Variants in MC2R observed in about 807,000 individuals in gnomAD.
MC2R encodes the protein adrenocorticotropic hormone receptor.
A neutral mutation model predicts 9.8 loss-of-function variants in MC2R; 9 were observed. The observed-to-expected ratio is 0.92, with a 90% confidence interval of 0.55 to 1.60. The LOEUF is 1.60. Among genes scored for constraint, MC2R ranks in the 40% most tolerant of loss-of-function variants. The pLI, the probability that MC2R is intolerant of heterozygous loss-of-function variation, is 0.00. For synonymous variants in MC2R, 185 were observed against 154.7 expected (o/e 1.20, Z -1.45); for missense variants, 370 against 389.0 (o/e 0.95, Z 0.41).
intron 1 of MC2R, among the ~76,000 whole-genome samples, chr18:13,888,380 G>A (rs1454398045): frequency 6.6e-6 from 1 of 152,188 alleles, no homozygotes. Context: ...TTGGTTGAAG[G>A]GCCAGTGACA....
Position 13,884,451 on chromosome 18 carries a change from A to G in MC2R, c.*174T>C, listed in dbSNP as rs905731419. ...CACAAAGTTAAGAGGTTGCCCCTACAATAAGACTGTTCACATAGAACCTAG... is the reference window on the plus strand; with the variant it reads ...CACAAAGTTAAGAGGTTGCCCCTACGATAAGACTGTTCACATAGAACCTAG... On this transcript the variant is annotated 3_prime_UTR_variant, in exon 2 of 2. Transcript: ENST00000327606. 2 of 719,890 alleles carry G rather than the reference A, an allele frequency of 2.8e-6. No homozygotes were observed. Among genetic ancestry groups the G allele is most frequent in the African/African-American group, 1.7e-5 (1 of 57,774 alleles). The allele number at this position is 719,890 out of a possible 1,614,324, so 44.6% of individuals were successfully genotyped here. A position where few individuals can be genotyped will look rare whatever the true frequency, so the allele number is the denominator to read the frequency against.
At chr18:13,886,107 C>A (rs1344952487) in intron 1 of MC2R, among the ~76,000 whole-genome samples, 1 of 152,140 alleles carries the variant, frequency 6.6e-6, no homozygotes, top group African/African-American at 2.4e-5. Flanking sequence ...AGAAATTACC[C>A]TATGGGTAAC....
chr18:13,891,753 C>T (rs893006628), intron 1 of MC2R, among the ~76,000 whole-genome samples: 3 of 147,890 alleles, frequency 2.0e-5, no homozygotes, highest in Non-Finnish European at 4.5e-5. Flanking sequence ...AGCATTTTGG[C>T]CCTTCGGGTC....
intron 1 of MC2R, among the ~76,000 whole-genome samples, chr18:13,890,074 A>G (rs1161866434): frequency 6.6e-6 from 1 of 152,224 alleles, no homozygotes; most frequent in Non-Finnish European, 1.5e-5. Flanking sequence ...TAACTTAACA[A>G]TCTTAAACCT....
intron 1 of MC2R, among the ~76,000 whole-genome samples, chr18:13,908,707 TGTGTGTGTGTGTGTGTGTG>T (rs898100552): frequency 5.9e-4 from 14 of 23,770 alleles, no homozygotes; most frequent in Admixed American, 2.3e-3. Flanking sequence ...AGGAGCTTCT[TGTGTGTGTGTGTGTGTGTG>T]TGTGTGTGTG....
At chr18:13,896,771 T>C (rs568158068) in intron 1 of MC2R, among the ~76,000 whole-genome samples, 1 of 152,282 alleles carries the variant, frequency 6.6e-6, no homozygotes, top group Non-Finnish European at 1.5e-5. Context: ...ATCAATGATG[T>C]TTACAAAGAT....
At chr18:13,904,518 C>T (rs1022876818) in intron 1 of MC2R, among the ~76,000 whole-genome samples, 13 of 151,856 alleles carry the variant, frequency 8.6e-5, no homozygotes, top group East Asian at 3.9e-4. Context: ...TTACCACTTT[C>T]GTTCAATATA....
intron 1 of MC2R, among the ~76,000 whole-genome samples, chr18:13,914,436 A>G (rs1456617828): frequency 1.3e-5 from 2 of 152,184 alleles, no homozygotes; most frequent in African/African-American, 4.8e-5. Context: ...AGCTTGATCT[A>G]GGCATGAATG....
rs1431386923 is a variant in MC2R, at chr18:13,883,614, C to G, written c.*1011G>C. On this transcript the variant is annotated 3_prime_UTR_variant, in exon 2 of 2. Transcript: ENST00000327606. ...ACACACACACACACACACACACACA[C>G]ACACACACACACACTCTCTCTCTCT... is the stretch of plus-strand genomic sequence containing the variant. 3.9e-5 allele frequency: 4 copies of G among 102,266 alleles called. No homozygotes were observed. The highest frequency in any genetic ancestry group is 7.8e-5 in the Non-Finnish European group (4 of 51,488). 6.3% of individuals were successfully genotyped at this position (102,266 alleles called of 1,614,324 possible).
intron 1 of MC2R, among the ~76,000 whole-genome samples, chr18:13,893,138 T>A (rs2045326958): frequency 6.6e-6 from 1 of 152,236 alleles, no homozygotes; most frequent in Admixed American, 6.5e-5. Flanking sequence ...TACGATTGAT[T>A]GCTGTGAAAT....
At chr18:13,912,941 T>C (rs962380428) in intron 1 of MC2R, among the ~76,000 whole-genome samples, 15 of 152,030 alleles carry the variant, frequency 9.9e-5, no homozygotes, top group African/African-American at 3.6e-4. Flanking sequence ...TTTTTCCCCA[T>C]GCCGGGCACA....
At chr18:13,904,305 C>T (rs553481101) in intron 1 of MC2R, among the ~76,000 whole-genome samples, 2 of 149,110 alleles carry the variant, frequency 1.3e-5, no homozygotes, top group South Asian at 2.1e-4. Context: ...GGCGTGAACC[C>T]GGGAGGCAGA....
intron 1 of MC2R, among the ~76,000 whole-genome samples, chr18:13,887,658 A>G (rs1235489502): frequency 1.3e-5 from 2 of 152,146 alleles, no homozygotes; most frequent in Non-Finnish European, 2.9e-5. Flanking sequence ...GCCTTGTCCA[A>G]TCAGCAGAAA....
intron 1 of MC2R, among the ~76,000 whole-genome samples, chr18:13,901,461 T>C (rs2045379574): frequency 6.6e-6 from 1 of 151,968 alleles, no homozygotes; most frequent in South Asian, 2.1e-4. Flanking sequence ...AAATAGTTGA[T>C]TTTTTGAAAA....
intron 1 of MC2R, among the ~76,000 whole-genome samples, chr18:13,902,916 A>G (rs1217925230): frequency 6.6e-6 from 1 of 152,168 alleles, no homozygotes; most frequent in Non-Finnish European, 1.5e-5. Context: ...CCATAGAATG[A>G]GAGAAAATAT....
intron 1 of MC2R, among the ~76,000 whole-genome samples, chr18:13,886,280 A>G (rs767680664): frequency 3.3e-5 from 5 of 152,234 alleles, no homozygotes; most frequent in Non-Finnish European, 7.3e-5. Context: ...CATCTTAAGC[A>G]CTTTGTGAGA....
At position 13,902,729 on chromosome 18, in the gene MC2R, A is replaced by G. The variant is rs954034637; in HGVS notation, c.-129+12759T>C. Among the ~76,000 whole-genome samples, 8 of 152,200 alleles carry G rather than the reference A, an allele frequency of 5.3e-5. No individual in the cohort carries two copies. The East Asian group carries it at 1.5e-3, about 29-fold the overall frequency. On this transcript the variant is annotated intron_variant, in intron 1 of 1. Transcript: ENST00000327606. ...AGACTTAAATATAAGACCTCAAACT[A>G]TGAAACTAATACAATAAAACATTGG... is the stretch of plus-strand genomic sequence containing the variant.
chr18:13,898,636 C>T (rs142593147), intron 1 of MC2R, among the ~76,000 whole-genome samples: 2,944 of 152,256 alleles, frequency 0.019, 75 homozygotes, highest in African/African-American at 0.065. Flanking sequence ...GAGGTGCTTG[C>T]GTCACTCCAC....
chr18:13,900,033 A>G (rs2045369563), intron 1 of MC2R, among the ~76,000 whole-genome samples: 1 of 152,202 alleles, frequency 6.6e-6, no homozygotes, highest in Non-Finnish European at 1.5e-5. Flanking sequence ...TCAATAAAAT[A>G]TAATAACTAC....
Sources: allele counts gnomAD v4.1 joint callset (sites outside exome capture counted in the v4.1 genomes callset), GRCh38; gene constraint gnomAD v4.1.1; transcripts MANE v1.5; gene names NCBI Gene and HGNC (gene_info 2026-07-23, HGNC 2026-07-21).